The following PCSK5 variants were observed in gnomAD, a reference collection of about 807,000 sequenced individuals.
The protein encoded by PCSK5 is prohormone convertase 5.
Under a neutral mutation model 233.2 loss-of-function variants are expected in PCSK5, and 129 were observed. The observed-to-expected ratio is 0.55, with a 90% CI of 0.48 to 0.64. PCSK5 has a LOEUF of 0.64. Ranked by LOEUF, PCSK5 falls within the 30% of genes least tolerant of loss-of-function variation. PCSK5 has a pLI of 0.00. For missense variants in PCSK5, 2,076 were observed against 2,430.1 expected, an observed-to-expected ratio of 0.85 and a Z score of 3.06; for synonymous variants, 825 against 879.2, an observed-to-expected ratio of 0.94 and a Z score of 1.09.
intron 1 of PCSK5, among the ~76,000 whole-genome samples, chr9:75,912,155 C>G (rs763105858): frequency 4.7e-5 from 7 of 150,536 alleles, no homozygotes; most frequent in Non-Finnish European, 8.9e-5. Flanking sequence ...ATTTTTTTTT[C>G]GATTGTAAAC....
intron 34 of PCSK5, among the ~76,000 whole-genome samples, chr9:76,335,710 C>T (rs1007065450): frequency 6.6e-6 from 1 of 152,168 alleles, no homozygotes; most frequent in African/African-American, 2.4e-5. Flanking sequence ...CTTTCTTTCC[C>T]ACAGTTCCTA....
chr9:76,103,388 C>T (rs1406605576), intron 8 of PCSK5, among the ~76,000 whole-genome samples: 1 of 152,060 alleles, frequency 6.6e-6, no homozygotes, highest in African/African-American at 2.4e-5. Context: ...CAAAGTAAAA[C>T]GGATCACTAG....
chr9:76,239,284 T>G, intron 23 of PCSK5, 119 bp downstream of exon 23: 1 of 785,696 alleles, frequency 1.3e-6, no homozygotes, highest in Non-Finnish European at 2.1e-6. Flanking sequence ...GGGATGATTT[T>G]GGGTGACTCC....
At chr9:76,274,964 A>G (rs1398992306) in intron 24 of PCSK5, among the ~76,000 whole-genome samples, 1 of 152,092 alleles carries the variant, frequency 6.6e-6, no homozygotes, top group East Asian at 1.9e-4. Context: ...AGCAGCCCTC[A>G]TAGGAACTCT....
chr9:76,289,026 G>A (rs1260752455), intron 24 of PCSK5, among the ~76,000 whole-genome samples: 1 of 152,176 alleles, frequency 6.6e-6, no homozygotes, highest in Admixed American at 6.5e-5. Flanking sequence ...GGGACAGTGA[G>A]TTCGTGATGA....
chr9:76,045,972 A>G (rs570499761), intron 5 of PCSK5, among the ~76,000 whole-genome samples: 2 of 152,216 alleles, frequency 1.3e-5, no homozygotes, highest in East Asian at 1.9e-4. Context: ...GTTCATAACT[A>G]CTACATTTTC....
chr9:76,017,375 T>C (rs1490368735), intron 3 of PCSK5, among the ~76,000 whole-genome samples: 3 of 152,200 alleles, frequency 2.0e-5, no homozygotes, highest in African/African-American at 7.2e-5. Context: ...AAAATTTTCT[T>C]CCCTAAATTA....
intron 20 of PCSK5, among the ~76,000 whole-genome samples, chr9:76,215,935 T>C (rs1429804297): frequency 7.1e-6 from 1 of 140,838 alleles, no homozygotes; most frequent in Non-Finnish European, 1.5e-5. Flanking sequence ...CATGATTCTG[T>C]CTAAAAAAAT....
At chr9:76,043,969 A>G (rs1407498437) in intron 5 of PCSK5, among the ~76,000 whole-genome samples, 1 of 152,010 alleles carries the variant, frequency 6.6e-6, no homozygotes, top group East Asian at 1.9e-4. Context: ...CATCACACAC[A>G]TGTACCCCTA....
At chr9:76,237,390 T>C (rs1401106741) in intron 22 of PCSK5, among the ~76,000 whole-genome samples, 1 of 152,200 alleles carries the variant, frequency 6.6e-6, no homozygotes, top group Non-Finnish European at 1.5e-5. Flanking sequence ...CTTAGTCCTA[T>C]GGGAACCAGT....
In PCSK5 at chr9:76,035,769, CCTT is replaced by C. The variant is rs561327903; in HGVS notation, c.632+8735_632+8737del. Among the ~76,000 whole-genome samples the C allele has an allele frequency of 4.6e-3, 699 of 152,226 alleles. 3 individuals carry two copies. The highest frequency in any genetic ancestry group is 0.016 in the African/African-American group (655 of 41,552). ...TTTCTCTTTTAATCTTCCCTTTTAA[CCTT>C]CTCTTGCATCCTTATATTTTCTTGT... On this transcript the variant is annotated intron_variant, in intron 5 of 37. Transcript: ENST00000674117.
intron 28 of PCSK5, among the ~76,000 whole-genome samples, chr9:76,303,678 C>T (rs77884000): frequency 0.037 from 5,666 of 152,232 alleles, 352 homozygotes; most frequent in African/African-American, 0.13. Context: ...GCTTGCCTTT[C>T]GGCTGCCTTC....
At chr9:76,311,198 G>T (rs182757876) in intron 30 of PCSK5, among the ~76,000 whole-genome samples, 2 of 152,012 alleles carry the variant, frequency 1.3e-5, no homozygotes, top group African/African-American at 4.8e-5. Context: ...GCAAGACTCC[G>T]TCTACAAAAT....
At chr9:76,227,219 C>T (rs1825923262) in intron 20 of PCSK5, among the ~76,000 whole-genome samples, 1 of 152,206 alleles carries the variant, frequency 6.6e-6, no homozygotes, top group African/African-American at 2.4e-5. Context: ...CCCCGCTTGG[C>T]CTTCCCTACT....
intron 25 of PCSK5, among the ~76,000 whole-genome samples, chr9:76,292,799 C>T (rs1169440289): frequency 2.6e-5 from 4 of 152,134 alleles, no homozygotes; most frequent in South Asian, 2.1e-4. Flanking sequence ...CAATATCGCC[C>T]CCTCTTCCTA....
At position 76,067,856 on chromosome 9, in the gene PCSK5, C is replaced by A; in HGVS notation, c.633-99C>A. 5.4e-6 allele frequency: 5 copies of A among 918,392 alleles called. No individual in the cohort carries two copies. The South Asian group carries it at 5.7e-5, about 10-fold the overall frequency. The allele number at this position is 918,392 out of a possible 1,614,324, so 56.9% of individuals were successfully genotyped here. On this transcript the variant is annotated intron_variant, in intron 5 of 37. Transcript: ENST00000674117. ...GAAGGAAGTTCCAGAAACACCACAG[C>A]TGGGTACATTCTTCACCACTCTGAG... is the stretch of plus-strand genomic sequence containing the variant.
chr9:76,287,839 A>G (rs1209595733), intron 24 of PCSK5: 2 of 213,750 alleles, frequency 9.4e-6, no homozygotes, highest in Non-Finnish European at 2.0e-5. Flanking sequence ...GGCAGGTCTG[A>G]CAGACATACT....
At chr9:76,345,180 TTATTA>T (rs1234466421) in intron 35 of PCSK5, among the ~76,000 whole-genome samples, 1 of 145,338 alleles carries the variant, frequency 6.9e-6, no homozygotes, top group African/African-American at 2.7e-5. Context: ...TTATTTTATT[TTATTA>T]TTTTATTTTA....
At position 76,291,741 on chromosome 9, in the gene PCSK5, A is replaced by G. The variant is rs1828283843; in HGVS notation, c.3143-492A>G. ...TTAAGAAAGTTGCGAAGGGCGTAAC[A>G]TGAAGTGGATACTTGGGAAAAATAA... On this transcript the variant is annotated intron_variant, in intron 24 of 37. Transcript: ENST00000674117. Among the ~76,000 whole-genome samples, 4 of 152,364 alleles carry G rather than the reference A, an allele frequency of 2.6e-5. No homozygotes were observed. The South Asian group carries it at 8.3e-4, about 32-fold the overall frequency.
Sources: gnomAD v4.1 joint callset for allele counts (sites outside exome capture counted in the v4.1 genomes callset) on GRCh38, gnomAD v4.1.1 for gene constraint, MANE v1.5 for transcripts, NCBI Gene and HGNC (gene_info 2026-07-23, HGNC 2026-07-21) for gene names.